The following SLC38A4 variants were observed in gnomAD, a reference collection of about 807,000 sequenced individuals.
SLC38A4 encodes the protein sodium-coupled neutral amino acid transporter 4.
A neutral mutation model predicts 63.1 loss-of-function variants in SLC38A4; 20 were observed. That is an observed-to-expected ratio of 0.32 (90% CI 0.22 to 0.46). The LOEUF (loss-of-function observed/expected upper bound fraction) is 0.46. SLC38A4 is among the 20% of genes least tolerant of loss of function. SLC38A4 has a pLI of 1.00. For missense variants in SLC38A4, 526 were observed against 663.6 expected, an observed-to-expected ratio of 0.79 and a Z score of 2.28; for synonymous variants, 230 against 225.5, an observed-to-expected ratio of 1.02 and a Z score of -0.18.
At chr12:46,768,472 AGC>A (rs1938343651) in intron 15 of SLC38A4, 65 bp from the exon 16 acceptor site, 1 of 1,151,482 alleles carries the variant, frequency 8.7e-7, no homozygotes, top group African/African-American at 1.6e-5. Flanking sequence ...AGGAGATGCC[AGC>A]ACACACTTTA....
chr12:46,818,090 C>A (rs1354724763), intron 1 of SLC38A4, among the ~76,000 whole-genome samples: 1 of 151,778 alleles, frequency 6.6e-6, no homozygotes, highest in Non-Finnish European at 1.5e-5. Flanking sequence ...GAAAATAAGA[C>A]CTGCATGTTC....
chr12:46,765,728 G>C lies in SLC38A4; in HGVS notation c.*973C>G. The C allele has an allele frequency of 5.5e-6, 1 of 180,308 alleles. No individual in the cohort carries two copies. Among genetic ancestry groups the C allele is most frequent in the South Asian group, 9.7e-5 (1 of 10,344 alleles). 11.2% of individuals were successfully genotyped at this position (180,308 alleles called of 1,614,324 possible). On this transcript the variant is annotated 3_prime_UTR_variant, in exon 17 of 17. Coordinates refer to ENST00000266579, the MANE Select transcript of SLC38A4 (RefSeq NM_018018.5). ...ATGTACCTTACATTAACATTCTGATGACTACAGAATAAGATTATATACATA... is the reference window on the plus strand; with the variant it reads ...ATGTACCTTACATTAACATTCTGATCACTACAGAATAAGATTATATACATA...
At chr12:46,824,176 G>T (rs1939603419) in intron 1 of SLC38A4, 3 of 152,168 alleles carry the variant, frequency 2.0e-5, no homozygotes, top group Admixed American at 1.3e-4. Flanking sequence ...ACTTCCGATT[G>T]CAGAGGCATT....
At chr12:46,805,765 C>T (rs932772966) in intron 1 of SLC38A4, among the ~76,000 whole-genome samples, 2 of 151,828 alleles carry the variant, frequency 1.3e-5, no homozygotes, top group African/African-American at 2.4e-5. Flanking sequence ...ATGAAAAATA[C>T]GTAAGTAGTG....
intron 2 of SLC38A4, among the ~76,000 whole-genome samples, chr12:46,798,046 C>T (rs1160904850): frequency 6.6e-6 from 1 of 152,132 alleles, no homozygotes; most frequent in Non-Finnish European, 1.5e-5. Flanking sequence ...TTCACCTTCA[C>T]TCTTGTCCAA....
intron 13 of SLC38A4, among the ~76,000 whole-genome samples, chr12:46,776,335 CT>C (rs900944861): frequency 1.3e-5 from 2 of 151,786 alleles, no homozygotes; most frequent in Non-Finnish European, 2.9e-5. Context: ...GCCATAGTCA[CT>C]TTTTTTTGGT....
At chr12:46,774,166 CA>C (rs1166213390) in intron 14 of SLC38A4, among the ~76,000 whole-genome samples, 1 of 151,982 alleles carries the variant, frequency 6.6e-6, no homozygotes, top group African/African-American at 2.4e-5. Flanking sequence ...AGGAATGTGC[CA>C]AAATATATTT....
At chr12:46,816,735 A>C (rs1939448973) in intron 1 of SLC38A4, among the ~76,000 whole-genome samples, 1 of 151,940 alleles carries the variant, frequency 6.6e-6, no homozygotes, top group South Asian at 2.1e-4. Flanking sequence ...GAGTAATAAA[A>C]AATGTATTCA....
chr12:46,799,740 T>C (rs975086250), intron 2 of SLC38A4, among the ~76,000 whole-genome samples: 12 of 152,170 alleles, frequency 7.9e-5, no homozygotes, highest in African/African-American at 2.9e-4. Context: ...CAAAAAGAAT[T>C]AGCACATTAT....
intron 5 of SLC38A4, among the ~76,000 whole-genome samples, chr12:46,786,566 A>G (rs1311471553): frequency 6.6e-6 from 1 of 152,160 alleles, no homozygotes; most frequent in Non-Finnish European, 1.5e-5. Context: ...AATGGTATGT[A>G]TAATTAATAA....
intron 1 of SLC38A4, among the ~76,000 whole-genome samples, chr12:46,804,768 A>G (rs1254422718): frequency 6.6e-6 from 1 of 151,898 alleles, no homozygotes; most frequent in African/African-American, 2.4e-5. Context: ...CTCATTGTCT[A>G]TTTTTTAGAG....
upstream of SLC38A4, among the ~76,000 whole-genome samples, chr12:46,829,766 A>C (rs1418519403): frequency 6.6e-6 from 1 of 152,234 alleles, no homozygotes; most frequent in African/African-American, 2.4e-5. Context: ...GGTCCTTAGA[A>C]GTCACCTGTC....
At chr12:46,817,584 C>T (rs1474135902) in intron 1 of SLC38A4, among the ~76,000 whole-genome samples, 1 of 151,708 alleles carries the variant, frequency 6.6e-6, no homozygotes, top group Non-Finnish European at 1.5e-5. Context: ...TCCCCTGAAA[C>T]CAAAACCCAG....
chr12:46,816,755 T>A (rs1303902976), intron 1 of SLC38A4, among the ~76,000 whole-genome samples: 2 of 152,064 alleles, frequency 1.3e-5, no homozygotes, highest in Non-Finnish European at 1.5e-5. Context: ...ACATGGCTAC[T>A]GAACGGTTTT....
intron 1 of SLC38A4, among the ~76,000 whole-genome samples, chr12:46,820,623 C>T (rs191702321): frequency 1.5e-3 from 232 of 152,088 alleles, no homozygotes; most frequent in African/African-American, 4.9e-3. Flanking sequence ...TTGTGAATAG[C>T]GCAGCAATGA....
At chr12:46,779,726 CTATTTAAATGTGAAA>C in intron 9 of SLC38A4, 39 bp downstream of exon 9, 1 of 1,585,162 alleles carries the variant, frequency 6.3e-7, no homozygotes, top group East Asian at 2.2e-5. Context: ...ATTAGCTAAC[CTATTTAAATGTGAAA>C]TAAAAATAAA....
At chr12:46,795,925 A>AATC (rs1468522819) in intron 2 of SLC38A4, among the ~76,000 whole-genome samples, 1 of 152,110 alleles carries the variant, frequency 6.6e-6, no homozygotes, top group East Asian at 1.9e-4. Context: ...CGGCCCAATC[A>AATC]AAAGGCTTGT....
intron 13 of SLC38A4, among the ~76,000 whole-genome samples, chr12:46,776,074 A>T (rs149185618): frequency 2.0e-5 from 3 of 152,036 alleles, no homozygotes; most frequent in Non-Finnish European, 4.4e-5. Flanking sequence ...TTCCTCCACA[A>T]TTTGTCATAC....
chr12:46,796,743 A>G (rs1939015338), intron 2 of SLC38A4, among the ~76,000 whole-genome samples: 1 of 85,558 alleles, frequency 1.2e-5, no homozygotes, highest in African/African-American at 2.7e-5. Context: ...TGCTTATCCT[A>G]GCATCCTCCC....
Sources: gnomAD v4.1 joint callset for allele counts (sites outside exome capture counted in the v4.1 genomes callset) on GRCh38, gnomAD v4.1.1 for gene constraint, MANE v1.5 for transcripts, NCBI Gene and HGNC (gene_info 2026-07-23, HGNC 2026-07-21) for gene names.